Variants in ACVR1 observed in about 807,000 individuals in gnomAD.
ACVR1 encodes activin receptor type-1.
ACVR1 carries 38 observed loss-of-function variants against 57.1 expected under a neutral mutation model. The observed-to-expected ratio is 0.67, with a 90% confidence interval of 0.51 to 0.87. The LOEUF (loss-of-function observed/expected upper bound fraction) is 0.87, where lower values mean the gene tolerates loss of function less well. Ranked by LOEUF, ACVR1 falls within the 40% of genes least tolerant of loss-of-function variation. The pLI is 0.00. For missense variants in ACVR1, 463 were observed against 638.2 expected (o/e 0.73, Z 2.96); for synonymous variants, 212 against 228.1 (o/e 0.93, Z 0.63).
chr2:157,813,973 A>G (rs1401102807), intron 2 of ACVR1, among the ~76,000 whole-genome samples: 2 of 152,238 alleles, frequency 1.3e-5, no homozygotes, highest in African/African-American at 4.8e-5. Context: ...TTTAACTACG[A>G]TACTAGGATG....
At chr2:157,863,770 A>C (rs548463169) in intron 1 of ACVR1, among the ~76,000 whole-genome samples, 7 of 152,262 alleles carry the variant, frequency 4.6e-5, no homozygotes, top group African/African-American at 1.7e-4. Context: ...AAGGGCTCAA[A>C]AATTTTCCAG....
At chr2:157,756,983 ATATT>A (rs1181164344) in intron 9 of ACVR1, among the ~76,000 whole-genome samples, 4 of 142,400 alleles carry the variant, frequency 2.8e-5, no homozygotes, top group African/African-American at 8.1e-5. Flanking sequence ...TTATATATAT[ATATT>A]TGAGATATAT....
chr2:157,774,619 C>T (rs1342693356), intron 5 of ACVR1, among the ~76,000 whole-genome samples: 2 of 152,208 alleles, frequency 1.3e-5, no homozygotes, highest in African/African-American at 2.4e-5. Flanking sequence ...CTGCCTTGGC[C>T]TCCCAAAGCA....
At chr2:157,745,075 G>T (rs973566619) in intron 9 of ACVR1, among the ~76,000 whole-genome samples, 1 of 152,160 alleles carries the variant, frequency 6.6e-6, no homozygotes, top group African/African-American at 2.4e-5. Flanking sequence ...GCATTCTCAG[G>T]AATCTGTTAA....
At chr2:157,865,099 GA>G (rs59833492) in intron 1 of ACVR1, among the ~76,000 whole-genome samples, 99,929 of 113,848 alleles carry the variant, frequency 0.88, 44,173 homozygotes, top group East Asian at 0.97. Flanking sequence ...ACTTACACAG[GA>G]AAAAAAAAAA....
chr2:157,831,336 A>ATT (rs1318663972), intron 1 of ACVR1, among the ~76,000 whole-genome samples: 3 of 152,322 alleles, frequency 2.0e-5, no homozygotes, highest in Non-Finnish European at 2.9e-5. Flanking sequence ...GCTGGCTGGG[A>ATT]TCACTTTTAC....
At chr2:157,861,328 G>C (rs1323155668) in intron 1 of ACVR1, among the ~76,000 whole-genome samples, 2 of 152,148 alleles carry the variant, frequency 1.3e-5, no homozygotes, top group African/African-American at 4.8e-5. Flanking sequence ...CCATGAAAAG[G>C]AGATAATATG....
At chr2:157,816,045 T>G (rs1043174088) in intron 2 of ACVR1, among the ~76,000 whole-genome samples, 1 of 152,162 alleles carries the variant, frequency 6.6e-6, no homozygotes, top group African/African-American at 2.4e-5. Context: ...AAATTCTGCT[T>G]AAAAGGAAAA....
chr2:157,846,746 G>C (rs1041983927), intron 1 of ACVR1, among the ~76,000 whole-genome samples: 3 of 152,110 alleles, frequency 2.0e-5, no homozygotes, highest in African/African-American at 7.2e-5. Context: ...AAATTATTGA[G>C]CTGTATACTT....
chr2:157,862,348 C>A (rs1389980933), intron 1 of ACVR1, among the ~76,000 whole-genome samples: 3 of 151,600 alleles, frequency 2.0e-5, no homozygotes, highest in Admixed American at 2.0e-4. Flanking sequence ...TATAGTCATT[C>A]ATTCATTGCA....
chr2:157,779,836 T>C (rs1686435792), intron 4 of ACVR1, among the ~76,000 whole-genome samples: 1 of 152,146 alleles, frequency 6.6e-6, no homozygotes, highest in African/African-American at 2.4e-5. Context: ...CAAATTTCAG[T>C]GATAGGGTCA....
intron 9 of ACVR1, among the ~76,000 whole-genome samples, chr2:157,747,754 T>TG (rs905365344): frequency 1.6e-4 from 24 of 151,992 alleles, no homozygotes; most frequent in African/African-American, 4.1e-4. Context: ...GATTTGTGTG[T>TG]GGGGGGGTGT....
At chr2:157,843,915 G>C (rs1358422583) in intron 1 of ACVR1, among the ~76,000 whole-genome samples, 2 of 152,178 alleles carry the variant, frequency 1.3e-5, no homozygotes, top group Non-Finnish European at 2.9e-5. Context: ...AATGGGGTTA[G>C]ACTGCCAGCA....
intron 10 of ACVR1, among the ~76,000 whole-genome samples, chr2:157,737,882 T>C (rs1465714872): frequency 6.6e-6 from 1 of 152,214 alleles, no homozygotes; most frequent in East Asian, 1.9e-4. Context: ...GGACTCTTAA[T>C]GCTACCAATT....
intron 9 of ACVR1, among the ~76,000 whole-genome samples, chr2:157,753,415 C>G (rs781020339): frequency 6.6e-6 from 1 of 152,118 alleles, no homozygotes; most frequent in Non-Finnish European, 1.5e-5. Flanking sequence ...ATAATCCCAG[C>G]TACTCAGGAG....
intron 2 of ACVR1, among the ~76,000 whole-genome samples, chr2:157,800,310 T>C (rs1204871450): frequency 6.6e-6 from 1 of 152,070 alleles, no homozygotes; most frequent in African/African-American, 2.4e-5. Flanking sequence ...CTATCTAGCA[T>C]GTCTGGAGTG....
intron 2 of ACVR1, among the ~76,000 whole-genome samples, chr2:157,811,160 CT>C (rs11305532): frequency 0.64 from 96,767 of 152,100 alleles, 36,888 homozygotes; most frequent in East Asian, 0.91. Flanking sequence ...GGTATCTTTA[CT>C]TTTAATGCTT....
At chr2:157,870,469 C>G (rs1690080880) in intron 1 of ACVR1, among the ~76,000 whole-genome samples, 1 of 152,192 alleles carries the variant, frequency 6.6e-6, no homozygotes, top group Non-Finnish European at 1.5e-5. Context: ...CCTTAAAAAT[C>G]TCTCAAAAGA....
At chr2:157,832,242 G>A (rs1306089745) in intron 1 of ACVR1, among the ~76,000 whole-genome samples, 1 of 152,130 alleles carries the variant, frequency 6.6e-6, no homozygotes, top group Non-Finnish European at 1.5e-5. Flanking sequence ...CTACTACTGA[G>A]AATCTGCAAA....
Sources: gnomAD v4.1 joint callset for allele counts (sites outside exome capture counted in the v4.1 genomes callset) on GRCh38, gnomAD v4.1.1 for gene constraint, MANE v1.5 for transcripts, NCBI Gene and HGNC (gene_info 2026-07-23, HGNC 2026-07-21) for gene names.